The following ZNF558 variants were observed in gnomAD, a reference collection of about 807,000 sequenced individuals.
ZNF558 encodes the protein zinc finger protein 558.
Under a neutral mutation model 37.6 loss-of-function variants are expected in ZNF558, and 23 were observed. The ratio of observed to expected loss-of-function variants is 0.61; its 90% CI spans 0.44 to 0.87. The LOEUF (loss-of-function observed/expected upper bound fraction) is 0.87, where lower values mean the gene tolerates loss of function less well. Ranked by LOEUF, ZNF558 falls within the 40% of genes least tolerant of loss-of-function variation. The pLI is 0.00. For synonymous variants in ZNF558, 189 were observed against 174.4 expected (o/e 1.08, Z -0.66); for missense variants, 429 against 483.7 (o/e 0.89, Z 1.06).
In ZNF558 at chr19:8,824,231, C is replaced by T. The variant is rs2967749; in HGVS notation, c.-215G>A. On this transcript the variant is annotated 5_prime_UTR_variant, in exon 4 of 10. Coordinates refer to ENST00000601372, the MANE Select transcript of ZNF558 (RefSeq NM_144693.3). ...GACACCAGTTGCCATGGTGGGAAGA[C>T]GCTCAAGTGGCCCTGTGGAGAGGCC... 0.83 allele frequency: 126,136 copies of T among 152,180 alleles called. 52,830 individuals are homozygous for T. The highest frequency in any genetic ancestry group is 0.95 in the African/African-American group (39,465 of 41,538). 9.4% of individuals were successfully genotyped at this position (152,180 alleles called of 1,614,324 possible).
chr19:8,826,706 C>T (rs1037200210), intron 2 of ZNF558, among the ~76,000 whole-genome samples: 1 of 152,148 alleles, frequency 6.6e-6, no homozygotes. Flanking sequence ...GGGACTCCTG[C>T]TCTAGAGGGA....
chr19:8,830,346 A>G (rs1026952280), intron 2 of ZNF558, among the ~76,000 whole-genome samples: 13 of 152,142 alleles, frequency 8.5e-5, no homozygotes, highest in African/African-American at 3.1e-4. Context: ...GCAGTGTGAA[A>G]AAGGACTAAT....
intron 2 of ZNF558, among the ~76,000 whole-genome samples, chr19:8,828,326 C>G (rs11085741): frequency 0.17 from 26,039 of 152,196 alleles, 2,775 homozygotes; most frequent in East Asian, 0.27. Flanking sequence ...GGGACTCCCA[C>G]TGAGGACCCC....
intron 1 of ZNF558, 63 bp downstream of exon 1, chr19:8,832,146 T>TGGCGGTGTCCGCGGCCCACGTCGCC (rs34738825): frequency 3.3e-5 from 5 of 152,300 alleles, no homozygotes; most frequent in Middle Eastern, 3.4e-3. Flanking sequence ...GGCCCGTGGC[T>TGGCGGTGTCCGCGGCCCACGTCGCC]GGCGGTGTCC....
chr19:8,834,096 G>A (rs1292816923), upstream of ZNF558, among the ~76,000 whole-genome samples: 1 of 152,182 alleles, frequency 6.6e-6, no homozygotes, highest in Non-Finnish European at 1.5e-5. Context: ...AAATCAGCCA[G>A]GAAGAAATAC....
In ZNF558 at chr19:8,811,544, C is replaced by A; in HGVS notation, c.946G>T (p.Gly316Ter). Residue 316 changes from glycine to a stop codon, truncating the protein, a stop_gained, in exon 10 of 10, where the codon GGA becomes TGA. Coordinates refer to ENST00000601372, the MANE Select transcript of ZNF558 (RefSeq NM_144693.3). LOFTEE classifies it high-confidence loss of function. ...TCGTTACATTCATAGGGTTTTTCTC[C>A]AGTATGAGTTCTTACGTGCTGTGTC... Reference protein sequence around the residue: ...YLTQHVRTHTGEKPYECNECG... With the variant: ...YLTQHVRTHT 6.2e-7 allele frequency: 1 copy of A among 1,614,168 alleles called. No homozygotes were observed. Among genetic ancestry groups the A allele is most frequent in the Non-Finnish European group, 8.5e-7 (1 of 1,180,014 alleles).
chr19:8,832,818 A>G (rs2044395495), upstream of ZNF558, among the ~76,000 whole-genome samples: 1 of 151,170 alleles, frequency 6.6e-6, no homozygotes, highest in Non-Finnish European at 1.5e-5. Flanking sequence ...AGCGGGAACC[A>G]GGCTGTGGTT....
At chr19:8,818,832 T>C (rs769229499) in intron 7 of ZNF558, among the ~76,000 whole-genome samples, 9 of 152,090 alleles carry the variant, frequency 5.9e-5, no homozygotes, top group Non-Finnish European at 1.2e-4. Context: ...GAGTTCGAGA[T>C]ATACAGACCA....
intron 2 of ZNF558, among the ~76,000 whole-genome samples, chr19:8,826,692 G>A (rs2044240747): frequency 6.6e-6 from 1 of 152,178 alleles, no homozygotes; most frequent in Non-Finnish European, 1.5e-5. Flanking sequence ...TGGCCCAGGG[G>A]CTGGGGACTC....
chr19:8,835,981 G>A (rs2044451149), upstream of ZNF558, among the ~76,000 whole-genome samples: 1 of 152,122 alleles, frequency 6.6e-6, no homozygotes, highest in African/African-American at 2.4e-5. Context: ...AGAGACAATA[G>A]ATTAGTGGCA....
chr19:8,828,200 G>A (rs2145300661), intron 2 of ZNF558, among the ~76,000 whole-genome samples: 1 of 152,310 alleles, frequency 6.6e-6, no homozygotes, highest in South Asian at 2.1e-4. Context: ...AAACAGGAAG[G>A]TAATAGTAAC....
intron 7 of ZNF558, among the ~76,000 whole-genome samples, chr19:8,816,424 G>A (rs1246730216): frequency 6.6e-6 from 1 of 152,084 alleles, no homozygotes; most frequent in Non-Finnish European, 1.5e-5. Flanking sequence ...CAGCAAGACG[G>A]AGATGACTTA....
At chr19:8,818,601 G>A (rs999966243) in intron 7 of ZNF558, among the ~76,000 whole-genome samples, 1 of 152,044 alleles carries the variant, frequency 6.6e-6, no homozygotes, top group Non-Finnish European at 1.5e-5. Context: ...AAAATTCATG[G>A]CATTGCGAGG....
chr19:8,834,140 C>T (rs573389345), upstream of ZNF558, among the ~76,000 whole-genome samples: 63 of 152,278 alleles, frequency 4.1e-4, no homozygotes, highest in African/African-American at 1.5e-3. Context: ...TGCACCCGTC[C>T]TTTCAGAAAA....
upstream of ZNF558, among the ~76,000 whole-genome samples, chr19:8,832,783 G>A (rs1049666992): frequency 3.3e-5 from 5 of 151,918 alleles, no homozygotes; most frequent in African/African-American, 1.2e-4. Context: ...CAGGGGTGGA[G>A]ACCTCCATTT....
chr19:8,813,722 C>T (rs1472953867), intron 7 of ZNF558, among the ~76,000 whole-genome samples: 3 of 152,190 alleles, frequency 2.0e-5, no homozygotes, highest in East Asian at 3.9e-4. Flanking sequence ...ATGCAACAAG[C>T]ATATTCAACT....
chr19:8,814,923 A>G (rs1436010101), intron 7 of ZNF558, among the ~76,000 whole-genome samples: 1 of 152,256 alleles, frequency 6.6e-6, no homozygotes, highest in East Asian at 1.9e-4. Context: ...AACACACAAT[A>G]GTTCTATTTC....
intron 6 of ZNF558, chr19:8,821,618 G>C: frequency 1.5e-6 from 2 of 1,338,210 alleles, no homozygotes; most frequent in South Asian, 3.6e-5. Context: ...GAGCTCCTGT[G>C]ATCTTATTTC....
At chr19:8,836,758 CTGG>C (rs1568483369), upstream of ZNF558, among the ~76,000 whole-genome samples, 1 of 152,194 alleles carries the variant, frequency 6.6e-6, no homozygotes. Flanking sequence ...GCCCAAAGTG[CTGG>C]GATTTTAGGC....
Sources: allele counts gnomAD v4.1 joint callset (sites outside exome capture counted in the v4.1 genomes callset), GRCh38; gene constraint gnomAD v4.1.1; transcripts MANE v1.5; gene names NCBI Gene and HGNC (gene_info 2026-07-23, HGNC 2026-07-21).